NAV1: variants seen among roughly 807,000 people sequenced by gnomAD.
NAV1 encodes neuron navigator 1.
A neutral mutation model predicts 175.2 loss-of-function variants in NAV1; 18 were observed. The ratio of observed to expected loss-of-function variants is 0.10; its 90% confidence interval spans 0.07 to 0.15. The LOEUF (loss-of-function observed/expected upper bound fraction) is 0.15. Among genes scored for constraint, NAV1 ranks in the 10% least tolerant of loss-of-function variants. The pLI, the probability that NAV1 is intolerant of heterozygous loss-of-function variation, is 1.00. For missense variants in NAV1, 1,731 were observed against 2,436.6 expected (o/e 0.71, Z 6.10); for synonymous variants, 897 against 978.7 (o/e 0.92, Z 1.56).
chr1:201,542,335 G>A (rs754297350), intron 1 of NAV1, among the ~76,000 whole-genome samples: 9 of 152,116 alleles, frequency 5.9e-5, no homozygotes, highest in Non-Finnish European at 1.3e-4. Context: ...TCAACTTTTC[G>A]AGTCTCTGGA....
intron 7 of NAV1, among the ~76,000 whole-genome samples, chr1:201,784,097 C>T (rs1676530688): frequency 6.6e-6 from 1 of 152,128 alleles, no homozygotes; most frequent in Admixed American, 6.5e-5. Context: ...ATGACTCATC[C>T]AAGATCTCAT....
At chr1:201,719,239 G>A (rs999479114) in intron 3 of NAV1, among the ~76,000 whole-genome samples, 2 of 151,546 alleles carry the variant, frequency 1.3e-5, no homozygotes, top group Non-Finnish European at 2.9e-5. Flanking sequence ...GGGTGAAATC[G>A]CTAGTCAAAC....
At chr1:201,739,961 G>C (rs1295615540) in intron 3 of NAV1, 2 of 1,394,588 alleles carry the variant, frequency 1.4e-6, no homozygotes, top group South Asian at 1.7e-5. Flanking sequence ...CGGGTGTCAG[G>C]CGAGAGCGGT....
chr1:201,673,167 G>A (rs1398075071), intron 1 of NAV1: 1 of 152,240 alleles, frequency 6.6e-6, no homozygotes, highest in Non-Finnish European at 1.5e-5. Flanking sequence ...AGTTAAAAAT[G>A]TATTTCAGAA....
chr1:201,566,587 C>T (rs889279938), intron 1 of NAV1, among the ~76,000 whole-genome samples: 6 of 152,174 alleles, frequency 3.9e-5, no homozygotes, highest in African/African-American at 1.4e-4. Flanking sequence ...CCACTCACAA[C>T]ACACACAGAA....
intron 1 of NAV1, among the ~76,000 whole-genome samples, chr1:201,657,601 T>C (rs186714118): frequency 6.6e-6 from 1 of 152,316 alleles, no homozygotes; most frequent in Admixed American, 6.5e-5. Context: ...CACCTGGACC[T>C]CACTGTCTGC....
At chr1:201,541,030 C>T (rs1665498711) in intron 1 of NAV1, among the ~76,000 whole-genome samples, 1 of 152,208 alleles carries the variant, frequency 6.6e-6, no homozygotes, top group South Asian at 2.1e-4. Flanking sequence ...AGAGAACAGC[C>T]CCTGATCTGA....
At chr1:201,609,084 C>T (rs536497453) in intron 2 of NAV1, among the ~76,000 whole-genome samples, 13 of 152,292 alleles carry the variant, frequency 8.5e-5, no homozygotes, top group South Asian at 2.1e-4. Context: ...CTGAGTAACT[C>T]GGGAAGATGC....
exon 21 of NAV1, chr1:201,809,199 C>T: frequency 1.2e-6 from 2 of 1,613,940 alleles, no homozygotes; most frequent in East Asian, 2.2e-5. Flanking sequence ...TACTTGTGGT[C>T]CAAAGGAGGA....
intron 1 of NAV1, among the ~76,000 whole-genome samples, chr1:201,699,712 A>G (rs1343571130): frequency 6.6e-6 from 1 of 152,240 alleles, no homozygotes; most frequent in African/African-American, 2.4e-5. Flanking sequence ...TACAGTAACC[A>G]AAACAGCATG....
rs1231933204 is a variant in NAV1, at chr1:201,785,298, T to A, written c.2805-12T>A. ...TCTCTCTCTCTTTTTTTTTTTTTTTTTATCTCCACAGTAATCAGCGGGATC... is the reference window on the plus strand; with the variant it reads ...TCTCTCTCTCTTTTTTTTTTTTTTTATATCTCCACAGTAATCAGCGGGATC... On this transcript the variant is annotated splice_polypyrimidine_tract_variant and intron_variant, in intron 7 of 29. Transcript: ENST00000367296. The A allele has an allele frequency of 3.2e-6, 5 of 1,587,282 alleles. No individual in the cohort carries two copies. Among genetic ancestry groups the A allele is most frequent in the South Asian group, 2.3e-5 (2 of 88,058 alleles).
chr1:201,749,191 G>A (rs1188450667), intron 3 of NAV1, among the ~76,000 whole-genome samples: 1 of 152,126 alleles, frequency 6.6e-6, no homozygotes, highest in East Asian at 1.9e-4. Flanking sequence ...AATTCTACCT[G>A]CGAAATAATG....
intron 4 of NAV1, 69 bp from the exon 9 acceptor site, chr1:201,780,943 A>G: frequency 2.0e-6 from 3 of 1,501,346 alleles, no homozygotes; most frequent in East Asian, 2.3e-5. Context: ...ACTAAAATCA[A>G]TCCTGTCAGC....
chr1:201,547,742 C>G (rs571664608), intron 1 of NAV1, among the ~76,000 whole-genome samples: 6 of 152,274 alleles, frequency 3.9e-5, no homozygotes, highest in African/African-American at 1.2e-4. Context: ...TTGTAAAAAC[C>G]TGCGTCTTTT....
At chr1:201,713,345 G>A (rs1377778945) in intron 2 of NAV1, among the ~76,000 whole-genome samples, 6 of 152,082 alleles carry the variant, frequency 3.9e-5, no homozygotes, top group African/African-American at 1.4e-4. Context: ...TCAACACCTG[G>A]GTCTTTTCAC....
exon 30 of NAV1, chr1:201,820,680 G>C (rs1311604304): frequency 6.6e-6 from 1 of 151,920 alleles, no homozygotes. Context: ...CAGCCTTCAG[G>C]GAAAGACTAC....
chr1:201,621,887 T>A (rs556073440), upstream of NAV1, among the ~76,000 whole-genome samples: 3 of 152,250 alleles, frequency 2.0e-5, no homozygotes, highest in Admixed American at 6.5e-5. Flanking sequence ...ATTGTATGTA[T>A]CTTTGTAAAC....
At chr1:201,576,807 C>T (rs1666704213) in intron 1 of NAV1, among the ~76,000 whole-genome samples, 1 of 152,170 alleles carries the variant, frequency 6.6e-6, no homozygotes, top group African/African-American at 2.4e-5. Context: ...GTTGTCATTG[C>T]TTTAAAATTG....
rs146332371 is a variant in NAV1 at position 201,642,162 on chromosome 1, C to CCCCT, written c.5-6467_5-6464dup. The stretch of plus-strand genomic sequence containing the variant: ...TCTTTCCTTCTTTTTCTTTCTCTCT[C>CCCCT]CCCTCCCTTCCTTCCTTCCTTCCTT... On this transcript the variant is annotated intron_variant, in intron 2 of 29. Coordinates refer to the NAV1 transcript ENST00000367302. Among the ~76,000 whole-genome samples the CCCCT allele has an allele frequency of 7.1e-3, 747 of 104,794 alleles. 2 individuals carry two copies. Among genetic ancestry groups the CCCCT allele is most frequent in the East Asian group, 0.019 (75 of 4,046 alleles). The allele number at this position is 104,794 out of a possible 152,430, so 68.7% of individuals were successfully genotyped here. A position where few individuals can be genotyped will look rare whatever the true frequency, so the allele number is the denominator to read the frequency against.
Sources: allele counts gnomAD v4.1 joint callset (sites outside exome capture counted in the v4.1 genomes callset), GRCh38; gene constraint gnomAD v4.1.1; transcripts MANE v1.5; gene names NCBI Gene and HGNC (gene_info 2026-07-23, HGNC 2026-07-21).